Variants in TMEM45A observed in about 807,000 individuals in gnomAD.
The protein encoded by TMEM45A is DNA polymerase-transactivated protein 4.
TMEM45A carries 25 observed loss-of-function variants against 32.0 expected under a neutral mutation model. That is an observed-to-expected ratio of 0.78 (90% CI 0.57 to 1.09). The LOEUF is 1.09. TMEM45A is among the 50% of genes least tolerant of loss of function. The pLI is 0.00. For synonymous variants in TMEM45A, 122 were observed against 114.8 expected, an observed-to-expected ratio of 1.06 and a Z score of -0.40; for missense variants, 302 against 325.0, an observed-to-expected ratio of 0.93 and a Z score of 0.54.
At chr3:100,560,112 A>G (rs375526131) in intron 4 of TMEM45A, among the ~76,000 whole-genome samples, 1 of 152,098 alleles carries the variant, frequency 6.6e-6, no homozygotes, top group East Asian at 1.9e-4. Context: ...TATATATTCT[A>G]TATTCCTAAT....
At chr3:100,520,197 G>A (rs1249294987) in intron 1 of TMEM45A, among the ~76,000 whole-genome samples, 1 of 152,208 alleles carries the variant, frequency 6.6e-6, no homozygotes, top group East Asian at 1.9e-4. Flanking sequence ...AGCAGGAAAA[G>A]AGGGTAGGGT....
intron 1 of TMEM45A, among the ~76,000 whole-genome samples, chr3:100,523,328 G>T (rs1220044443): frequency 6.6e-6 from 1 of 152,210 alleles, no homozygotes; most frequent in Non-Finnish European, 1.5e-5. Context: ...TGTGGTACCA[G>T]GTGGTGGTTC....
At chr3:100,552,238 C>T (rs1358350161) in intron 1 of TMEM45A, among the ~76,000 whole-genome samples, 1 of 152,030 alleles carries the variant, frequency 6.6e-6, no homozygotes, top group East Asian at 1.9e-4. Context: ...GGAGAAGGCC[C>T]AGGCATTTAA....
rs59739893 is a variant in TMEM45A at position 100,575,363 on chromosome 3, C to CTTTTTTTTTTTTTTT, written c.735-1549_735-1535dup. 7.0e-4 allele frequency among the ~76,000 whole-genome samples: 44 copies of CTTTTTTTTTTTTTTT among 62,762 alleles called. 4 individuals are homozygous for CTTTTTTTTTTTTTTT. Among genetic ancestry groups the CTTTTTTTTTTTTTTT allele is most frequent in the African/African-American group, 2.3e-3 (42 of 18,632 alleles). 41.2% of individuals were successfully genotyped at this position (62,762 alleles called of 152,430 possible). ...TGCTTCCCCCAGGCCTATGGATTCT[C>CTTTTTTTTTTTTTTT]TTTTTTTTTTTTTTTTTTTTTTTTT... On this transcript the variant is annotated intron_variant, in intron 5 of 5. Transcript: ENST00000323523.
At chr3:100,559,825 A>C (rs1027533480) in intron 4 of TMEM45A, among the ~76,000 whole-genome samples, 1 of 152,108 alleles carries the variant, frequency 6.6e-6, no homozygotes, top group Non-Finnish European at 1.5e-5. Flanking sequence ...TAAAATAAAA[A>C]CCTAGAAAAT....
At chr3:100,526,888 T>C (rs893690018) in intron 1 of TMEM45A, among the ~76,000 whole-genome samples, 3 of 152,232 alleles carry the variant, frequency 2.0e-5, no homozygotes, top group African/African-American at 7.2e-5. Context: ...GGTTGGCTTT[T>C]ATATTTGCAG....
intron 1 of TMEM45A, among the ~76,000 whole-genome samples, chr3:100,526,576 C>T (rs1705549315): frequency 6.6e-6 from 1 of 152,132 alleles, no homozygotes. Context: ...TCAGTTGACA[C>T]CATGAGGCTA....
At position 100,558,615 on chromosome 3, in the gene TMEM45A, A is replaced by G. The variant is rs771552216; in HGVS notation, c.588+26A>G. ...GTGAGTTGGGGCCTCTAGTTAATGTACCTGGACTCTTTGCCTGTAACTTCT... is the reference window on the plus strand; with the variant it reads ...GTGAGTTGGGGCCTCTAGTTAATGTGCCTGGACTCTTTGCCTGTAACTTCT... On this transcript the variant is annotated intron_variant, in intron 4 of 5. Coordinates refer to ENST00000323523, the MANE Select transcript of TMEM45A (RefSeq NM_018004.3). The G allele has an allele frequency of 2.5e-6, 4 of 1,603,714 alleles. No individual in the cohort carries two copies. The South Asian group carries it at 3.3e-5, about 13-fold the overall frequency.
At chr3:100,549,615 C>T (rs62274561) in intron 1 of TMEM45A, among the ~76,000 whole-genome samples, 63,770 of 152,014 alleles carry the variant, frequency 0.42, 13,549 homozygotes, top group Middle Eastern at 0.49. Context: ...TGAAGGTTTA[C>T]CTGCTCATGC....
intron 1 of TMEM45A, among the ~76,000 whole-genome samples, chr3:100,552,115 G>T (rs1706118321): frequency 6.6e-6 from 1 of 152,110 alleles, no homozygotes; most frequent in South Asian, 2.1e-4. Context: ...TTGCTTGTAT[G>T]TTTAAAGTAT....
rs1453089589 is a variant in TMEM45A at position 100,577,004 on chromosome 3, G to C, written c.814G>C (p.Glu272Gln). 1 of 1,612,908 alleles carries C rather than the reference G, an allele frequency of 6.2e-7. No homozygotes were observed. The highest frequency in any genetic ancestry group is 1.3e-5 in the African/African-American group (1 of 74,912). ...LKNAEREQES[E>Q]EEM Reference sequence around the variant, plus strand: ...AAATGCTGAACGAGAACAAGAATCAGAAGAAGAAATGTGACTTTGATGAGC... The same window carrying C: ...AAATGCTGAACGAGAACAAGAATCACAAGAAGAAATGTGACTTTGATGAGC... Residue 272 changes from glutamate (E) to glutamine (Q), a missense_variant, in exon 6 of 6, where the codon GAA becomes CAA. Coordinates refer to ENST00000323523, the MANE Select transcript of TMEM45A (RefSeq NM_018004.3).
At chr3:100,572,180 C>G (rs1706576008) in intron 5 of TMEM45A, 2 of 152,184 alleles carry the variant, frequency 1.3e-5, no homozygotes, top group East Asian at 1.9e-4. Context: ...GCCACACTGA[C>G]TTCCACAATG....
chr3:100,528,302 G>A (rs1285101653), intron 1 of TMEM45A, among the ~76,000 whole-genome samples: 1 of 152,124 alleles, frequency 6.6e-6, no homozygotes, highest in African/African-American at 2.4e-5. Flanking sequence ...GTTTTCCCAG[G>A]GATCCTTGTT....
chr3:100,539,466 T>TGTATACGTATACGTATAC (rs1576278683), intron 1 of TMEM45A, among the ~76,000 whole-genome samples: 1 of 136,148 alleles, frequency 7.3e-6, no homozygotes, highest in Non-Finnish European at 1.6e-5. Context: ...TATATGTATA[T>TGTATACGTATACGTATAC]GTATATGTAT....
At chr3:100,550,476 T>C (rs1428554013) in intron 1 of TMEM45A, among the ~76,000 whole-genome samples, 3 of 152,222 alleles carry the variant, frequency 2.0e-5, no homozygotes, top group African/African-American at 7.2e-5. Flanking sequence ...TATTTTGAAG[T>C]ATGAGTCACT....
In TMEM45A at chr3:100,508,354, C is replaced by T. The variant is rs77645891; in HGVS notation, c.-4+15426C>T. Among the ~76,000 whole-genome samples the T allele has an allele frequency of 9.2e-3, 1,396 of 152,300 alleles. 28 individuals carry two copies. Among genetic ancestry groups the T allele is most frequent in the African/African-American group, 0.032 (1,349 of 41,564 alleles). On this transcript the variant is annotated intron_variant, in intron 1 of 5. Coordinates refer to ENST00000323523, the MANE Select transcript of TMEM45A (RefSeq NM_018004.3). ...GACTGCATCTTGCCGTGGAGTCCAA[C>T]AGCCCATGCATCTCCATATCCCTGG...
chr3:100,546,835 G>A (rs946479268), intron 1 of TMEM45A, among the ~76,000 whole-genome samples: 1 of 152,150 alleles, frequency 6.6e-6, no homozygotes, highest in Admixed American at 6.5e-5. Flanking sequence ...AAGGGATTTG[G>A]AGTCAGACAT....
intron 5 of TMEM45A, chr3:100,571,382 G>T (rs1319688532): frequency 5.3e-5 from 8 of 151,702 alleles, no homozygotes; most frequent in Non-Finnish European, 1.0e-4. Flanking sequence ...TTGCCAACAA[G>T]TATTGTTTAC....
intron 4 of TMEM45A, among the ~76,000 whole-genome samples, chr3:100,564,635 A>AC (rs1454570000): frequency 6.6e-6 from 1 of 152,232 alleles, no homozygotes; most frequent in East Asian, 1.9e-4. Flanking sequence ...GGCACATGCC[A>AC]CCAGGCCTAG....
Sources: allele counts gnomAD v4.1 joint callset (sites outside exome capture counted in the v4.1 genomes callset), GRCh38; gene constraint gnomAD v4.1.1; transcripts MANE v1.5; gene names NCBI Gene and HGNC (gene_info 2026-07-23, HGNC 2026-07-21).